KIAA1549: variants seen among roughly 807,000 people sequenced by gnomAD.
The protein encoded by KIAA1549 is KIAA1549.
In KIAA1549, 70 loss-of-function variants were observed where a neutral mutation model predicts 156.4. That is an observed-to-expected ratio of 0.45 (90% CI 0.37 to 0.55). The LOEUF is 0.55. Among genes scored for constraint, KIAA1549 ranks in the 20% least tolerant of loss-of-function variants. The probability of loss-of-function intolerance (pLI) is 0.00; values close to 1 mark genes in which losing one functional copy is unlikely to be tolerated. For missense variants in KIAA1549, 2,428 were observed against 2,540.9 expected (o/e 0.96, Z 0.96); for synonymous variants, 1,103 against 1,066.4 (o/e 1.03, Z -0.67).
At position 138,837,643 on chromosome 7, in the gene KIAA1549, T is replaced by C. The variant is rs1167839509; in HGVS notation, c.*263A>G. On this transcript the variant is annotated 3_prime_UTR_variant, in exon 20 of 20. Coordinates refer to ENST00000422774, the MANE Select transcript of KIAA1549 (RefSeq NM_001164665.2). Reference sequence around the variant, plus strand: ...ATTTTGTTAGCTTAGGTTTGTGTTTTGTTTTTGTGAAGTGCTGCTGGCTTT... The same window carrying C: ...ATTTTGTTAGCTTAGGTTTGTGTTTCGTTTTTGTGAAGTGCTGCTGGCTTT... 4 of 558,498 alleles carry C rather than the reference T, an allele frequency of 7.2e-6. No homozygotes were observed. The highest frequency in any genetic ancestry group is 1.3e-5 in the Non-Finnish European group (4 of 318,678). The allele number at this position is 558,498 out of a possible 1,614,324, so 34.6% of individuals were successfully genotyped here.
At position 138,918,464 on chromosome 7, in the gene KIAA1549, T is replaced by C. The variant is rs775271921; in HGVS notation, c.1162A>G (p.Ser388Gly). The change falls in exon 2 of 20, where the codon AGC (serine) becomes GGC (glycine). Residue 388 changes from serine to glycine, a missense_variant. Physicochemically the swap from Ser to Gly is moderately conservative, Grantham distance 56 (BLOSUM62 0). Coordinates refer to ENST00000422774, the MANE Select transcript of KIAA1549 (RefSeq NM_001164665.2). The surrounding 1 kb of genome is among the most constrained non-coding windows in gnomAD (Gnocchi z 4.2). ...SSNPFLPSDS[S>G]KTSELHSNSA... ...TTGCTATGCAATTCGGATGTTTTGC[T>C]GGAGTCGCTAGGGAGAAAGGGGTTA... The C allele has an allele frequency of 3.7e-6, 6 of 1,613,848 alleles. No individual in the cohort carries two copies. The highest frequency in any genetic ancestry group is 5.1e-6 in the Non-Finnish European group (6 of 1,179,878).
intron 16 of KIAA1549, among the ~76,000 whole-genome samples, chr7:138,859,008 AACAC>A (rs57352970): frequency 0.04 from 5,667 of 142,290 alleles, 178 homozygotes; most frequent in African/African-American, 0.091. Flanking sequence ...TCCATCTCAA[AACAC>A]ACACACACAC....
chr7:138,975,596 T>A (rs114188916), intron 1 of KIAA1549, among the ~76,000 whole-genome samples: 1 of 152,146 alleles, frequency 6.6e-6, no homozygotes, highest in Non-Finnish European at 1.5e-5. Flanking sequence ...AGGTAACTTG[T>A]CCATAGTCAC....
intron 8 of KIAA1549, among the ~76,000 whole-genome samples, chr7:138,900,061 G>A (rs1028960224): frequency 2.0e-5 from 3 of 152,192 alleles, no homozygotes; most frequent in Non-Finnish European, 4.4e-5. Context: ...CATTTAAATT[G>A]CTGGTCTCTA....
At chr7:138,928,297 CT>C (rs1281708387) in intron 1 of KIAA1549, among the ~76,000 whole-genome samples, 2 of 150,220 alleles carry the variant, frequency 1.3e-5, no homozygotes, top group African/African-American at 2.5e-5. Context: ...TAAAGGCATT[CT>C]TTTTTTCAGA....
intron 17 of KIAA1549, among the ~76,000 whole-genome samples, chr7:138,850,482 A>G (rs572955307): frequency 6.6e-6 from 1 of 152,304 alleles, no homozygotes; most frequent in Non-Finnish European, 1.5e-5. Context: ...CATTGGCTGC[A>G]TGTAAGTCTC....
At chr7:138,868,911 G>A (rs559528558) in intron 14 of KIAA1549, among the ~76,000 whole-genome samples, 14 of 152,294 alleles carry the variant, frequency 9.2e-5, no homozygotes, top group Non-Finnish European at 1.5e-4. Flanking sequence ...GGGCAGGGCC[G>A]GCCTGCGACG....
At chr7:138,902,256 G>A (rs1224348753) in intron 8 of KIAA1549, among the ~76,000 whole-genome samples, 1 of 152,082 alleles carries the variant, frequency 6.6e-6, no homozygotes, top group Non-Finnish European at 1.5e-5. Flanking sequence ...CTGGTAAAAG[G>A]GCTAGAGGAC....
chr7:138,972,149 C>T (rs1265661156), intron 1 of KIAA1549, among the ~76,000 whole-genome samples: 1 of 152,020 alleles, frequency 6.6e-6, no homozygotes, highest in African/African-American at 2.4e-5. Context: ...AACTTTCTTT[C>T]ACTCACTGAG....
chr7:138,917,368 G>A lies in KIAA1549; in HGVS notation c.2258C>T (p.Ser753Phe), dbSNP rs1369481957. The change falls in exon 2 of 20, where the codon TCC becomes TTC. Residue 753 changes from serine to phenylalanine, a missense_variant. Coordinates refer to ENST00000422774, the MANE Select transcript of KIAA1549 (RefSeq NM_001164665.2). ...HFTSAFIETT[S>F]YLESSLISHE... ...GGAAATGAGTGAAGACTCAAGATAG[G>A]AGGTAGTTTCAATGAAAGCTGAGGT... The A allele has an allele frequency of 6.2e-7, 1 of 1,613,968 alleles. No individual in the cohort carries two copies. Among genetic ancestry groups the A allele is most frequent in the South Asian group, 1.1e-5 (1 of 91,070 alleles).
intron 1 of KIAA1549, among the ~76,000 whole-genome samples, chr7:138,959,155 C>T (rs1444431847): frequency 6.6e-6 from 1 of 152,180 alleles, no homozygotes; most frequent in Non-Finnish European, 1.5e-5. Context: ...CTGCCTCGGC[C>T]TCCCAAAGTG....
intron 19 of KIAA1549, among the ~76,000 whole-genome samples, chr7:138,838,370 T>C (rs1196111565): frequency 1.3e-5 from 2 of 152,054 alleles, no homozygotes; most frequent in African/African-American, 4.8e-5. Context: ...GAGTGCCCCA[T>C]GATGTGAAAG....
At chr7:138,956,780 C>T (rs1160070840) in intron 1 of KIAA1549, among the ~76,000 whole-genome samples, 1 of 152,172 alleles carries the variant, frequency 6.6e-6, no homozygotes, top group Non-Finnish European at 1.5e-5. Flanking sequence ...TAATTCTGAT[C>T]TATTCAATCA....
At chr7:138,891,630 G>C (rs1239214579) in intron 10 of KIAA1549, among the ~76,000 whole-genome samples, 3 of 152,158 alleles carry the variant, frequency 2.0e-5, no homozygotes, top group Non-Finnish European at 4.4e-5. Flanking sequence ...TTCTCGTTAC[G>C]AGGGGAAGGG....
intron 13 of KIAA1549, among the ~76,000 whole-genome samples, chr7:138,870,428 T>C (rs1365690579): frequency 1.3e-5 from 2 of 152,192 alleles, no homozygotes; most frequent in African/African-American, 2.4e-5. Context: ...AAAGAATATT[T>C]TCCTCCTTTA....
intron 18 of KIAA1549, among the ~76,000 whole-genome samples, chr7:138,841,316 C>T (rs1032912146): frequency 6.6e-6 from 1 of 152,120 alleles, no homozygotes; most frequent in Admixed American, 6.5e-5. Context: ...TTCATTATAA[C>T]CCATATTGTG....
At chr7:138,966,411 G>A (rs140637411) in intron 1 of KIAA1549, among the ~76,000 whole-genome samples, 1 of 152,054 alleles carries the variant, frequency 6.6e-6, no homozygotes, top group East Asian at 1.9e-4. Context: ...TATACACACA[G>A]AGGAGTTTAT....
At chr7:138,849,465 G>A (rs1300406401) in intron 17 of KIAA1549, among the ~76,000 whole-genome samples, 1 of 151,910 alleles carries the variant, frequency 6.6e-6, no homozygotes, top group South Asian at 2.1e-4. Flanking sequence ...ATTCATTTTA[G>A]GATGTTTTGA....
intron 10 of KIAA1549, 35 bp from the exon 11 acceptor site, chr7:138,881,619 C>G (rs1254305220): frequency 5.1e-6 from 8 of 1,579,974 alleles, no homozygotes; most frequent in Non-Finnish European, 6.9e-6. Flanking sequence ...AGATTGTTAA[C>G]CCGGAATCCA....
Sources: gnomAD v4.1 joint callset for allele counts (sites outside exome capture counted in the v4.1 genomes callset) on GRCh38, gnomAD v4.1.1 for gene constraint, Gnocchi (gnomAD v3.1) non-coding constraint, MANE v1.5 for transcripts, NCBI Gene and HGNC (gene_info 2026-07-23, HGNC 2026-07-21) for gene names.